SMARCAL1: variants seen among roughly 807,000 people sequenced by gnomAD.
SMARCAL1 encodes the protein ATP-driven annealing helicase.
SMARCAL1 carries 58 observed loss-of-function variants against 94.5 expected under a neutral mutation model. That is an observed-to-expected ratio of 0.61 (90% CI 0.50 to 0.76). The LOEUF (loss-of-function observed/expected upper bound fraction) is 0.76. Ranked by LOEUF, SMARCAL1 falls within the 30% of genes least tolerant of loss-of-function variation. The pLI is 0.00. For missense variants in SMARCAL1, 1,051 were observed against 1,177.9 expected, an observed-to-expected ratio of 0.89 and a Z score of 1.58; for synonymous variants, 422 against 455.1, an observed-to-expected ratio of 0.93 and a Z score of 0.93.
In SMARCAL1 at chr2:216,426,371, T is replaced by C. The variant is rs117278873; in HGVS notation, c.1148-2225T>C. ...TAGCATTGTAGAGTGGTTCCTGATC[T>C]TTTGCAGACAACAGACTCCTTGAAA... On this transcript the variant is annotated intron_variant, in intron 6 of 17. Coordinates refer to ENST00000357276, the MANE Select transcript of SMARCAL1 (RefSeq NM_014140.4). Among the ~76,000 whole-genome samples the C allele has an allele frequency of 1.9e-3, 288 of 152,344 alleles. 10 individuals are homozygous for C. The East Asian group carries it at 0.048, about 26-fold the overall frequency.
chr2:216,439,326 G>T (rs1014756755), intron 10 of SMARCAL1, among the ~76,000 whole-genome samples: 12 of 12,442 alleles, frequency 9.6e-4, no homozygotes, highest in East Asian at 5.9e-3. Flanking sequence ...TTCCATTATG[G>T]GGGGGGGGGA....
chr2:216,481,849 G>A (rs771936800), intron 17 of SMARCAL1, among the ~76,000 whole-genome samples: 6 of 152,110 alleles, frequency 3.9e-5, no homozygotes, highest in African/African-American at 1.2e-4. Flanking sequence ...ATGAAACTGT[G>A]GGATGTCAGT....
chr2:216,444,324 T>C (rs925383694), intron 10 of SMARCAL1, among the ~76,000 whole-genome samples: 1 of 152,076 alleles, frequency 6.6e-6, no homozygotes, highest in Non-Finnish European at 1.5e-5. Context: ...TTTCCTAGTC[T>C]AGGGTTTTGG....
chr2:216,475,290 G>A lies in SMARCAL1; in HGVS notation c.2266G>A (p.Asp756Asn), dbSNP rs545627649. 1.1e-5 allele frequency: 17 copies of A among 1,614,142 alleles called. No homozygotes were observed. The highest frequency in any genetic ancestry group is 5.5e-5 in the South Asian group (5 of 91,084). ...GCAGCACGTGCAGCACATCCGCATC[G>A]ATGGCTCCACCTCATCAGCTGAGCG... ...ERKHVQHIRI[D>N]GSTSSAERED... is the part of the protein sequence containing the mutation. Residue 756 changes from aspartate (D) to asparagine (N), a missense_variant, in exon 15 of 18, where the codon GAT becomes AAT. Asp to Asn is a conservative substitution (Grantham distance 23). Around this residue, in one of 3 missense-constraint regions of SMARCAL1, gnomAD observed 642 missense variants for 754.7 expected, o/e 0.85. Coordinates refer to ENST00000357276, the MANE Select transcript of SMARCAL1 (RefSeq NM_014140.4). The surrounding 1 kb of genome is among the most constrained non-coding windows in gnomAD (Gnocchi z 4.4).
chr2:216,453,797 C>A (rs1385115487), intron 12 of SMARCAL1, among the ~76,000 whole-genome samples: 1 of 152,218 alleles, frequency 6.6e-6, no homozygotes. Flanking sequence ...GCACTGCTGA[C>A]CTGCCTGTCA....
intron 10 of SMARCAL1, among the ~76,000 whole-genome samples, chr2:216,443,463 G>A (rs948104996): frequency 4.7e-5 from 7 of 148,348 alleles, no homozygotes; most frequent in Non-Finnish European, 1.5e-5. Context: ...TGGTATTTTT[G>A]GTCCAATATA....
Position 216,414,976 on chromosome 2 carries a change from G to T in SMARCAL1, c.272G>T (p.Ser91Ile), listed in dbSNP as rs757706117. The change falls in exon 3 of 18, where the codon AGT (serine) becomes ATT (isoleucine). Residue 91 changes from serine (S) to isoleucine (I), a missense_variant. Physicochemically the swap from Ser to Ile is moderately radical, Grantham distance 142. Around this residue, in one of 3 missense-constraint regions of SMARCAL1, gnomAD observed 398 missense variants for 395.2 expected, o/e 1.01. Coordinates refer to ENST00000357276, the MANE Select transcript of SMARCAL1 (RefSeq NM_014140.4). ...NADQRPHDSH[S>I]FQAKGIWKKP... ...GACCAAAGACCTCATGATTCCCACAGTTTTCAGGCAAAGGGAATATGGAAA... is the reference window on the plus strand; with the variant it reads ...GACCAAAGACCTCATGATTCCCACATTTTTCAGGCAAAGGGAATATGGAAA... 7 of 1,614,080 alleles carry T rather than the reference G, an allele frequency of 4.3e-6. No individual in the cohort carries two copies. Among genetic ancestry groups the T allele is most frequent in the Non-Finnish European group, 5.1e-6 (6 of 1,180,050 alleles).
intron 12 of SMARCAL1, among the ~76,000 whole-genome samples, chr2:216,457,131 AGAG>A (rs1694584759): frequency 6.8e-6 from 1 of 146,202 alleles, no homozygotes; most frequent in Admixed American, 6.9e-5. Flanking sequence ...TTCAACAAGA[AGAG>A]CTAACTATCC....
chr2:216,435,403 C>T lies in SMARCAL1; in HGVS notation c.1551C>T (p.Asp517=). 1 of 1,614,170 alleles carries T rather than the reference C, an allele frequency of 6.2e-7. No homozygotes were observed. The highest frequency in any genetic ancestry group is 8.5e-7 in the Non-Finnish European group (1 of 1,180,012). Residue 517 remains aspartate (D), a synonymous_variant, in exon 9 of 18, where the codon GAC becomes GAT. Transcript: ENST00000357276. ...TCAACGTCGTGGTGACTGGGAAGGACCGCCTGACAGCTGGCCTGATCAACA... is the reference window on the plus strand; with the variant it reads ...TCAACGTCGTGGTGACTGGGAAGGATCGCCTGACAGCTGGCCTGATCAACA... ...DCINVVVTGK[D]RLTAGLINIV...
At chr2:216,452,956 A>G (rs1030094430) in intron 12 of SMARCAL1, among the ~76,000 whole-genome samples, 2 of 152,202 alleles carry the variant, frequency 1.3e-5, no homozygotes, top group Non-Finnish European at 2.9e-5. Flanking sequence ...TTAGGTAGCT[A>G]TACAAATCCA....
intron 12 of SMARCAL1, among the ~76,000 whole-genome samples, chr2:216,459,778 A>G (rs1694654512): frequency 6.6e-6 from 1 of 152,128 alleles, no homozygotes; most frequent in African/African-American, 2.4e-5. Flanking sequence ...GGCATGGGCA[A>G]GGACTTCATG....
chr2:216,422,055 C>T (rs1693733833), intron 5 of SMARCAL1, among the ~76,000 whole-genome samples: 1 of 152,114 alleles, frequency 6.6e-6, no homozygotes, highest in Non-Finnish European at 1.5e-5. Context: ...TTTCCTGCCC[C>T]CTCAGGTGTT....
At chr2:216,454,380 A>G (rs1420771969) in intron 12 of SMARCAL1, among the ~76,000 whole-genome samples, 1 of 152,224 alleles carries the variant, frequency 6.6e-6, no homozygotes, top group East Asian at 1.9e-4. Context: ...ACATTTATTG[A>G]ATACTTGCTC....
At chr2:216,461,084 G>GTGTA (rs1427603305) in intron 12 of SMARCAL1, among the ~76,000 whole-genome samples, 1 of 151,654 alleles carries the variant, frequency 6.6e-6, no homozygotes, top group African/African-American at 2.4e-5. Context: ...GTGTGTGTGT[G>GTGTA]TGTGTGTATG....
At chr2:216,427,259 G>T (rs1228607810) in intron 6 of SMARCAL1, 2 of 152,236 alleles carry the variant, frequency 1.3e-5, no homozygotes, top group Non-Finnish European at 2.9e-5. Context: ...CGTTGTCAGG[G>T]AATGGTGTCT....
intron 15 of SMARCAL1, among the ~76,000 whole-genome samples, chr2:216,476,457 C>A (rs1018140956): frequency 3.3e-5 from 5 of 152,052 alleles, no homozygotes; most frequent in Non-Finnish European, 7.4e-5. Flanking sequence ...CAGGGGACTA[C>A]AGGTGCACGC....
chr2:216,442,358 C>G (rs1190172152), intron 10 of SMARCAL1, among the ~76,000 whole-genome samples: 3 of 150,850 alleles, frequency 2.0e-5, no homozygotes, highest in Admixed American at 1.3e-4. Flanking sequence ...CGGAGGTTGC[C>G]CTGAGCGGAG....
chr2:216,476,999 A>T lies in SMARCAL1; in HGVS notation c.2428-110A>T, dbSNP rs572473620. On this transcript the variant is annotated intron_variant, in intron 15 of 17. Coordinates refer to ENST00000357276, the MANE Select transcript of SMARCAL1 (RefSeq NM_014140.4). The stretch of plus-strand genomic sequence containing the variant: ...TCTGAGACAGTGAAGTGCTTTGAGG[A>T]GGGAGGGTTGTGGTGGGACTGGAAA... The T allele has an allele frequency of 1.1e-4, 90 of 819,242 alleles. 2 individuals are homozygous for T. The highest frequency in any genetic ancestry group is 7.8e-4 in the South Asian group (54 of 69,004). 50.7% of individuals were successfully genotyped at this position (819,242 alleles called of 1,614,324 possible).
At position 216,428,654 on chromosome 2, in the gene SMARCAL1, C is replaced by G. The variant is rs1221504270; in HGVS notation, c.1206C>G (p.Thr402=). 6.2e-7 allele frequency: 1 copy of G among 1,614,232 alleles called. No individual in the cohort carries two copies. The highest frequency in any genetic ancestry group is 2.2e-5 in the East Asian group (1 of 44,888). The part of the protein sequence containing the change: ...VQLDPLPTTL[T]LAFASQLKKT... ...TGGACCCTCTGCCCACGACTCTCAC[C>G]CTGGCGTTTGCTTCTCAGCTCAAGA... is the stretch of plus-strand genomic sequence containing the variant. The change falls in exon 7 of 18, where the codon ACC becomes ACG. Residue 402 remains threonine, a synonymous_variant. Transcript: ENST00000357276.
Sources: gnomAD v4.1 joint callset for allele counts (sites outside exome capture counted in the v4.1 genomes callset) on GRCh38, gnomAD v4.1.1 for gene constraint, gnomAD v4.1.1 regional missense constraint, Gnocchi (gnomAD v3.1) non-coding constraint, MANE v1.5 for transcripts, NCBI Gene and HGNC (gene_info 2026-07-23, HGNC 2026-07-21) for gene names.